The following CDH13 variants were observed in gnomAD, a reference collection of about 807,000 sequenced individuals.
The protein encoded by CDH13 is cadherin-13.
In CDH13, 24 loss-of-function variants were observed where a neutral mutation model predicts 63.8. The observed-to-expected ratio is 0.38, with a 90% CI of 0.27 to 0.53. The LOEUF (loss-of-function observed/expected upper bound fraction) is 0.53, where lower values mean the gene tolerates loss of function less well. CDH13 is among the 20% of genes least tolerant of loss of function. The probability of loss-of-function intolerance (pLI) is 0.85; values close to 1 mark genes in which losing one functional copy is unlikely to be tolerated. For synonymous variants in CDH13, 503 were observed against 355.3 expected (o/e 1.42, Z -4.67); for missense variants, 1,049 against 903.1 (o/e 1.16, Z -2.07).
intron 7 of CDH13, among the ~76,000 whole-genome samples, chr16:83,494,336 G>A (rs750672061): frequency 9.9e-5 from 15 of 152,154 alleles, no homozygotes; most frequent in Non-Finnish European, 1.8e-4. Flanking sequence ...CAAAAAGTAT[G>A]ATTACTATGT....
intron 10 of CDH13, among the ~76,000 whole-genome samples, chr16:83,703,562 G>A (rs1251566511): frequency 6.6e-6 from 1 of 152,202 alleles, no homozygotes; most frequent in Non-Finnish European, 1.5e-5. Flanking sequence ...ATCACACGTG[G>A]AGAAGACTTT....
intron 7 of CDH13, among the ~76,000 whole-genome samples, chr16:83,509,455 A>G (rs956014129): frequency 6.6e-6 from 1 of 152,186 alleles, no homozygotes; most frequent in African/African-American, 2.4e-5. Context: ...ACTTTTTTGT[A>G]GCACAAAAGC....
At chr16:82,870,496 C>G (rs553514375) in intron 2 of CDH13, among the ~76,000 whole-genome samples, 3 of 152,114 alleles carry the variant, frequency 2.0e-5, no homozygotes, top group African/African-American at 7.2e-5. Flanking sequence ...CTGGAAGGGT[C>G]CTGGGGAGGG....
chr16:83,545,448 C>T (rs1384765684), intron 7 of CDH13, among the ~76,000 whole-genome samples: 7 of 152,220 alleles, frequency 4.6e-5, no homozygotes, highest in African/African-American at 7.2e-5. Flanking sequence ...ACAGATCCAG[C>T]CACATCTTTC....
intron 1 of CDH13, among the ~76,000 whole-genome samples, chr16:82,817,177 A>C (rs1387889502): frequency 6.6e-6 from 1 of 151,340 alleles, no homozygotes; most frequent in Non-Finnish European, 1.5e-5. Context: ...TTCGCCCCCC[A>C]CTGCAGGTAC....
At chr16:82,896,442 C>T (rs763639984) in intron 2 of CDH13, among the ~76,000 whole-genome samples, 1 of 151,658 alleles carries the variant, frequency 6.6e-6, no homozygotes, top group Non-Finnish European at 1.5e-5. Flanking sequence ...TACAGGGGTT[C>T]CCCACTATGC....
intron 7 of CDH13, among the ~76,000 whole-genome samples, chr16:83,589,399 C>T (rs970797748): frequency 2.0e-5 from 3 of 149,012 alleles, no homozygotes; most frequent in African/African-American, 7.4e-5. Context: ...TCTCTGCTTC[C>T]ATCACCCATC....
At chr16:83,078,769 G>A (rs1055788195) in intron 3 of CDH13, among the ~76,000 whole-genome samples, 1 of 152,134 alleles carries the variant, frequency 6.6e-6, no homozygotes, top group African/African-American at 2.4e-5. Flanking sequence ...TTAGCCTCCA[G>A]TTTTTTGTTT....
intron 6 of CDH13, among the ~76,000 whole-genome samples, chr16:83,399,281 A>G (rs535754583): frequency 4.5e-4 from 68 of 152,366 alleles, no homozygotes; most frequent in African/African-American, 1.4e-3. Context: ...ATGATGATCA[A>G]TTAAGAGTAC....
intron 1 of CDH13, among the ~76,000 whole-genome samples, chr16:82,718,280 C>T (rs1342619497): frequency 1.3e-5 from 2 of 152,192 alleles, no homozygotes; most frequent in African/African-American, 2.4e-5. Context: ...ACCAACTCCC[C>T]TTCTATTATT....
At chr16:83,266,337 A>G (rs879943521) in intron 5 of CDH13, among the ~76,000 whole-genome samples, 2 of 152,224 alleles carry the variant, frequency 1.3e-5, no homozygotes, top group Non-Finnish European at 2.9e-5. Context: ...GGCCAAGACC[A>G]TAGCTCCTTC....
chr16:83,533,401 A>G (rs561915172), intron 7 of CDH13, among the ~76,000 whole-genome samples: 49 of 152,174 alleles, frequency 3.2e-4, no homozygotes, highest in African/African-American at 1.2e-3. Context: ...GGTGCCTCCC[A>G]CACTCTTCAC....
intron 3 of CDH13, among the ~76,000 whole-genome samples, chr16:83,066,809 C>G (rs750230946): frequency 1.3e-5 from 2 of 152,218 alleles, no homozygotes; most frequent in Admixed American, 1.3e-4. Flanking sequence ...TTTTCTGCTT[C>G]TACTCTACCC....
At chr16:82,728,313 A>G (rs923623274) in intron 1 of CDH13, among the ~76,000 whole-genome samples, 2 of 152,054 alleles carry the variant, frequency 1.3e-5, no homozygotes, top group African/African-American at 4.8e-5. Context: ...TGTTCAGTTT[A>G]CCCTTATGGG....
At chr16:82,734,151 A>G (rs978691585) in intron 1 of CDH13, among the ~76,000 whole-genome samples, 5 of 152,230 alleles carry the variant, frequency 3.3e-5, no homozygotes, top group African/African-American at 9.6e-5. Flanking sequence ...AACATGGCCA[A>G]TGGGCCAACT....
chr16:83,627,585 C>G (rs1910425052), intron 8 of CDH13, among the ~76,000 whole-genome samples: 2 of 152,170 alleles, frequency 1.3e-5, no homozygotes, highest in South Asian at 2.1e-4. Flanking sequence ...GGGTCTCACT[C>G]TGTCACCCAG....
intron 1 of CDH13, among the ~76,000 whole-genome samples, chr16:82,796,273 G>C (rs960829009): frequency 6.6e-6 from 1 of 152,154 alleles, no homozygotes; most frequent in Non-Finnish European, 1.5e-5. Flanking sequence ...GATGTATGGA[G>C]GGAGTATGGG....
Position 82,858,428 on chromosome 16 carries a change from A to C in CDH13, c.112A>C (p.Ile38Leu), listed in dbSNP as rs766146180. Reference protein sequence around the residue: ...TPGFQQKVFHINQPAEFIEDQ... With the variant: ...TPGFQQKVFHLNQPAEFIEDQ... ...TGGATTTCAGCAGAAAGTGTTCCAT[A>C]TCAATCAGCCAGCTGAATTCATTGA... The change falls in exon 2 of 14, where the codon ATC (isoleucine) becomes CTC (leucine). Residue 38 changes from isoleucine (I) to leucine (L), a missense_variant. Coordinates refer to ENST00000567109, the MANE Select transcript of CDH13 (RefSeq NM_001257.5). 6.2e-7 allele frequency: 1 copy of C among 1,613,788 alleles called. No homozygotes were observed. The highest frequency in any genetic ancestry group is 1.1e-5 in the South Asian group (1 of 91,072).
intron 4 of CDH13, among the ~76,000 whole-genome samples, chr16:83,183,419 A>T (rs181382193): frequency 6.6e-6 from 1 of 152,208 alleles, no homozygotes; most frequent in Non-Finnish European, 1.5e-5. Flanking sequence ...TTCCTAGGGA[A>T]CTAGTGAGTG....
Sources: gnomAD v4.1 joint callset for allele counts (sites outside exome capture counted in the v4.1 genomes callset) on GRCh38, gnomAD v4.1.1 for gene constraint, MANE v1.5 for transcripts, NCBI Gene and HGNC (gene_info 2026-07-23, HGNC 2026-07-21) for gene names.